The following LARGE1 variants were observed in gnomAD, a reference collection of about 807,000 sequenced individuals.
LARGE1 encodes the protein xylosyl- and glucuronyltransferase LARGE1.
In LARGE1, 43 loss-of-function variants were observed where a neutral mutation model predicts 87.6. The ratio of observed to expected loss-of-function variants is 0.49; its 90% confidence interval spans 0.38 to 0.63. The LOEUF (loss-of-function observed/expected upper bound fraction) is 0.63, where lower values mean the gene tolerates loss of function less well. Among genes scored for constraint, LARGE1 ranks in the 30% least tolerant of loss-of-function variants. The probability of loss-of-function intolerance (pLI) is 0.00; values close to 1 mark genes in which losing one functional copy is unlikely to be tolerated. For missense variants in LARGE1, 802 were observed against 1,000.2 expected (o/e 0.80, Z 2.67); for synonymous variants, 434 against 394.6 (o/e 1.10, Z -1.18).
At chr22:33,352,359 G>C (rs1320281019) in intron 9 of LARGE1, among the ~76,000 whole-genome samples, 1 of 152,194 alleles carries the variant, frequency 6.6e-6, no homozygotes, top group African/African-American at 2.4e-5. Flanking sequence ...AGGAAATAAA[G>C]CTTAAATGGA....
rs780535311 is a variant in LARGE1, at chr22:33,361,214, T to A, written c.1131+20705A>T. ...GACAGAGCAAGACTGTTTAAAAAAA[T>A]AATAATAATAAATAAATAAATAAAA... is the stretch of plus-strand genomic sequence containing the variant. On this transcript the variant is annotated intron_variant, in intron 9 of 14. Coordinates refer to ENST00000397394, the MANE Select transcript of LARGE1 (RefSeq NM_133642.5). Among the ~76,000 whole-genome samples the A allele has an allele frequency of 2.2e-4, 32 of 148,532 alleles. 4 individuals are homozygous for A. Among genetic ancestry groups the A allele is most frequent in the Non-Finnish European group, 3.6e-4 (24 of 66,800 alleles).
intron 6 of LARGE1, among the ~76,000 whole-genome samples, chr22:33,459,441 C>CTTTTTTTTTTTTT (rs3071562): frequency 1.6e-5 from 2 of 128,354 alleles, no homozygotes; most frequent in African/African-American, 2.9e-5. Flanking sequence ...CGCTCTCTCT[C>CTTTTTTTTTTTTT]TTTTTTTTTT....
the LARGE1 span, among the ~76,000 whole-genome samples, chr22:33,074,867 C>T: frequency 6.6e-5 from 10 of 152,128 alleles, no homozygotes; most frequent in African/African-American, 2.4e-4. Flanking sequence ...TTGACATTTA[C>T]TGAGTTTTTA....
intron 5 of LARGE1, among the ~76,000 whole-genome samples, chr22:33,576,102 C>G (rs571804192): frequency 1.3e-5 from 2 of 152,276 alleles, no homozygotes; most frequent in East Asian, 3.9e-4. Context: ...TGCTGCGTAG[C>G]CTGATCTTAA....
the LARGE1 span, among the ~76,000 whole-genome samples, chr22:33,146,723 A>G: frequency 2.0e-5 from 3 of 152,324 alleles, no homozygotes; most frequent in Admixed American, 2.0e-4. Context: ...CTTTGGGGAA[A>G]AAAAATCTTA....
At chr22:33,815,171 G>GAACAA (rs1214149374) in intron 1 of LARGE1, among the ~76,000 whole-genome samples, 3 of 152,130 alleles carry the variant, frequency 2.0e-5, no homozygotes, top group African/African-American at 2.4e-5. Flanking sequence ...ACTTTTTGTT[G>GAACAA]GGGCGGCACA....
intron 1 of LARGE1, among the ~76,000 whole-genome samples, chr22:33,903,276 C>T (rs916187493): frequency 1.3e-5 from 2 of 152,128 alleles, no homozygotes; most frequent in African/African-American, 4.8e-5. Context: ...GAAAAGACAG[C>T]CACATATAAG....
chr22:33,615,243 T>C (rs2079548614), intron 4 of LARGE1, among the ~76,000 whole-genome samples: 1 of 152,126 alleles, frequency 6.6e-6, no homozygotes, highest in South Asian at 2.1e-4. Flanking sequence ...TCAGTGATTG[T>C]TTAAGGAAAG....
intron 9 of LARGE1, among the ~76,000 whole-genome samples, chr22:33,378,744 G>C (rs1325009450): frequency 6.6e-6 from 1 of 152,136 alleles, no homozygotes; most frequent in Non-Finnish European, 1.5e-5. Flanking sequence ...CTTGACAAAA[G>C]CATCAGACTC....
At chr22:33,492,773 GAAAACAAAAC>G (rs753922949) in intron 6 of LARGE1, among the ~76,000 whole-genome samples, 2 of 152,254 alleles carry the variant, frequency 1.3e-5, no homozygotes, top group African/African-American at 4.8e-5. Context: ...TGTGCTAACT[GAAAACAAAAC>G]AAAACAAAAC....
At chr22:33,861,997 T>C (rs1014645418) in intron 1 of LARGE1, among the ~76,000 whole-genome samples, 3 of 151,658 alleles carry the variant, frequency 2.0e-5, no homozygotes, top group Non-Finnish European at 4.4e-5. Context: ...TAGCTGGGAT[T>C]ACAGGCACGC....
intron 6 of LARGE1, among the ~76,000 whole-genome samples, chr22:33,547,823 A>G (rs941853355): frequency 7.6e-6 from 1 of 132,006 alleles, no homozygotes; most frequent in Non-Finnish European, 1.6e-5. Context: ...AAAAAAAAAA[A>G]GCAGGTTCTC....
At chr22:33,537,601 C>T (rs1325817163) in intron 6 of LARGE1, among the ~76,000 whole-genome samples, 1 of 152,152 alleles carries the variant, frequency 6.6e-6, no homozygotes, top group Non-Finnish European at 1.5e-5. Context: ...GGAGGCTTGT[C>T]TGTCACCCAG....
At chr22:33,076,525 A>G in the LARGE1 span, among the ~76,000 whole-genome samples, 6 of 152,176 alleles carry the variant, frequency 3.9e-5, no homozygotes, top group African/African-American at 1.4e-4. Context: ...CCAGATTTTC[A>G]TGAATACTGA....
At chr22:33,517,410 T>G (rs893876633) in intron 6 of LARGE1, among the ~76,000 whole-genome samples, 2 of 152,134 alleles carry the variant, frequency 1.3e-5, no homozygotes, top group African/African-American at 4.8e-5. Flanking sequence ...AAAGAATTCT[T>G]TTTTTGAGAC....
At chr22:33,359,639 C>A (rs1389787476) in intron 9 of LARGE1, among the ~76,000 whole-genome samples, 2 of 148,458 alleles carry the variant, frequency 1.3e-5, no homozygotes, top group Non-Finnish European at 1.5e-5. Flanking sequence ...TCTTGGCTCA[C>A]TGCAAGCTCC....
chr22:33,471,479 G>A lies in LARGE1; in HGVS notation c.788-39214C>T, dbSNP rs1186453054. 3.9e-5 allele frequency among the ~76,000 whole-genome samples: 6 copies of A among 152,200 alleles called. No homozygotes were observed. The East Asian group carries it at 9.6e-4, about 24-fold the overall frequency. ...GTGCAAAGCATCTGCTCAATTTTCC[G>A]ATGTGGCTCTTCACTAATTTCTTAT... On this transcript the variant is annotated intron_variant, in intron 6 of 14. Transcript: ENST00000397394.
chr22:33,516,587 T>C (rs1278780628), intron 6 of LARGE1, among the ~76,000 whole-genome samples: 1 of 146,506 alleles, frequency 6.8e-6, no homozygotes, highest in Non-Finnish European at 1.5e-5. Flanking sequence ...CTTCCTCCTA[T>C]TATTATTATT....
intron 1 of LARGE1, among the ~76,000 whole-genome samples, chr22:33,917,443 C>G (rs2065820545): frequency 6.6e-6 from 1 of 152,174 alleles, no homozygotes; most frequent in Non-Finnish European, 1.5e-5. Flanking sequence ...GGAAGTGCAA[C>G]TACACCGTCA....
Sources: gnomAD v4.1 joint callset for allele counts (sites outside exome capture counted in the v4.1 genomes callset) on GRCh38, gnomAD v4.1.1 for gene constraint, MANE v1.5 for transcripts, NCBI Gene and HGNC (gene_info 2026-07-23, HGNC 2026-07-21) for gene names.